Variants in GALNT14 observed in about 807,000 individuals in gnomAD.
GALNT14 encodes polypeptide N-acetylgalactosaminyltransferase 14.
In GALNT14, 60 loss-of-function variants were observed where a neutral mutation model predicts 77.5. The observed-to-expected ratio is 0.77, with a 90% confidence interval of 0.63 to 0.96. The LOEUF is 0.96. Among genes scored for constraint, GALNT14 ranks in the 40% least tolerant of loss-of-function variants. GALNT14 has a pLI of 0.00. For missense variants in GALNT14, 710 were observed against 731.0 expected (o/e 0.97, Z 0.33); for synonymous variants, 280 against 281.7 (o/e 0.99, Z 0.06).
chr2:31,052,612 T>C (rs937731876), intron 1 of GALNT14, among the ~76,000 whole-genome samples: 21 of 152,118 alleles, frequency 1.4e-4, no homozygotes, highest in Admixed American at 1.2e-3. Flanking sequence ...AGCTCACCAC[T>C]GACCCAGGAG....
chr2:30,971,026 G>T (rs1047129444), intron 2 of GALNT14, among the ~76,000 whole-genome samples: 1 of 152,016 alleles, frequency 6.6e-6, no homozygotes, highest in Admixed American at 6.5e-5. Flanking sequence ...TGAACTCACC[G>T]GGGTTCAAGG....
chr2:31,021,259 C>A (rs1243795014), intron 1 of GALNT14, among the ~76,000 whole-genome samples: 2 of 152,072 alleles, frequency 1.3e-5, no homozygotes, highest in African/African-American at 4.8e-5. Context: ...CTCCCTCAGA[C>A]CTGTGGGTTA....
chr2:31,076,813 C>T (rs1356074389), intron 1 of GALNT14, among the ~76,000 whole-genome samples: 1 of 151,982 alleles, frequency 6.6e-6, no homozygotes, highest in African/African-American at 2.4e-5. Flanking sequence ...TAAAGAAAGG[C>T]ACTGCTCTTG....
chr2:30,969,814 C>T (rs1212711359), intron 2 of GALNT14, among the ~76,000 whole-genome samples: 5 of 152,172 alleles, frequency 3.3e-5, no homozygotes, highest in African/African-American at 4.8e-5. Flanking sequence ...CTCTGTAACA[C>T]GGAATGGGCC....
At chr2:31,027,422 CA>C (rs1672133715) in intron 1 of GALNT14, among the ~76,000 whole-genome samples, 1 of 67,654 alleles carries the variant, frequency 1.5e-5, no homozygotes, top group Non-Finnish European at 3.0e-5. Flanking sequence ...CAACTCAAAA[CA>C]AAGCAAAAAA....
At chr2:31,089,354 T>G (rs140015040) in intron 1 of GALNT14, among the ~76,000 whole-genome samples, 30 of 152,290 alleles carry the variant, frequency 2.0e-4, no homozygotes, top group Admixed American at 3.3e-4. Context: ...GTGATGGTCA[T>G]GCTGAGGAGG....
chr2:30,984,159 G>C (rs1669155820), intron 2 of GALNT14, among the ~76,000 whole-genome samples: 1 of 152,174 alleles, frequency 6.6e-6, no homozygotes, highest in African/African-American at 2.4e-5. Flanking sequence ...ACTAGCTCCT[G>C]CTTCTCACTG....
intron 8 of GALNT14, 53 bp downstream of exon 8, chr2:30,944,805 C>A (rs1016678988): frequency 7.3e-7 from 1 of 1,375,072 alleles, no homozygotes; most frequent in South Asian, 1.5e-5. Context: ...CTACACTTGA[C>A]AGGATCCAGT....
intron 1 of GALNT14, among the ~76,000 whole-genome samples, chr2:31,071,269 G>C (rs1675344634): frequency 6.6e-6 from 1 of 152,022 alleles, no homozygotes; most frequent in Admixed American, 6.5e-5. Context: ...TTTTTTAAAA[G>C]AGAAAGTAGA....
the GALNT14 span, among the ~76,000 whole-genome samples, chr2:30,892,718 G>A: frequency 1.3e-5 from 2 of 152,176 alleles, no homozygotes; most frequent in Non-Finnish European, 1.5e-5. Flanking sequence ...TGTGGGTATG[G>A]CAACATTTGG....
intron 1 of GALNT14, among the ~76,000 whole-genome samples, chr2:31,023,148 GAAAAAC>G (rs370412226): frequency 0.061 from 8,778 of 142,994 alleles, 835 homozygotes; most frequent in African/African-American, 0.21. Flanking sequence ...CTATAGTGGG[GAAAAAC>G]AAAAACAAAA....
chr2:30,892,974 A>AT, the GALNT14 span, among the ~76,000 whole-genome samples: 1 of 152,320 alleles, frequency 6.6e-6, no homozygotes, highest in African/African-American at 2.4e-5. Flanking sequence ...TAATAAGGAC[A>AT]TTTTTCAAAT....
intron 2 of GALNT14, among the ~76,000 whole-genome samples, chr2:30,986,052 GC>G (rs1558467531): frequency 6.6e-6 from 1 of 152,194 alleles, no homozygotes; most frequent in Non-Finnish European, 1.5e-5. Context: ...CTGGGCCACT[GC>G]CCCTTCATTT....
rs537543222 is a variant in GALNT14 at position 31,079,850 on chromosome 2, C to T, written c.129+58108G>A. On this transcript the variant is annotated intron_variant, in intron 1 of 14. Transcript: ENST00000349752. ...TCACGTAGCTCAGCCCCTACTGTGG[C>T]TACTCCCTCTGGTGGTCACTTCCCA... Among the ~76,000 whole-genome samples, 6 of 152,330 alleles carry T rather than the reference C, an allele frequency of 3.9e-5. No individual in the cohort carries two copies. In the East Asian group the frequency reaches 9.7e-4, roughly 25 times the overall value.
intron 3 of GALNT14, among the ~76,000 whole-genome samples, chr2:30,961,328 T>C (rs1490805062): frequency 6.6e-6 from 1 of 152,206 alleles, no homozygotes; most frequent in African/African-American, 2.4e-5. Context: ...TAAATACCAG[T>C]AGAATGAAGA....
chr2:31,089,581 C>A (rs920198568), intron 1 of GALNT14, among the ~76,000 whole-genome samples: 1 of 152,046 alleles, frequency 6.6e-6, no homozygotes, highest in South Asian at 2.1e-4. Context: ...AAGCTTGGTC[C>A]GTTTTCTTCA....
chr2:31,039,681 T>C (rs1268450649), intron 1 of GALNT14, among the ~76,000 whole-genome samples: 1 of 125,110 alleles, frequency 8.0e-6, no homozygotes, highest in Non-Finnish European at 1.8e-5. Flanking sequence ...TATTAGAAGA[T>C]CTCTTTTTTT....
At chr2:31,062,002 A>G (rs1463673207) in intron 1 of GALNT14, among the ~76,000 whole-genome samples, 3 of 152,206 alleles carry the variant, frequency 2.0e-5, no homozygotes, top group Non-Finnish European at 4.4e-5. Flanking sequence ...AACAGTTTCA[A>G]TAAATTCTTT....
intron 1 of GALNT14, among the ~76,000 whole-genome samples, chr2:31,040,086 A>C (rs890749482): frequency 6.6e-6 from 1 of 152,218 alleles, no homozygotes; most frequent in African/African-American, 2.4e-5. Context: ...AACTATCCAC[A>C]CTTTTTCTTG....
Sources: allele counts gnomAD v4.1 joint callset (sites outside exome capture counted in the v4.1 genomes callset), GRCh38; gene constraint gnomAD v4.1.1; transcripts MANE v1.5; gene names NCBI Gene and HGNC (gene_info 2026-07-23, HGNC 2026-07-21).